IL1RAPL2: variants seen among roughly 807,000 people sequenced by gnomAD.
IL1RAPL2 encodes X-linked interleukin-1 receptor accessory protein-like 2.
A neutral mutation model predicts 44.1 loss-of-function variants in IL1RAPL2; 3 were observed. The observed-to-expected ratio is 0.07, with a 90% CI of 0.03 to 0.18. The LOEUF (loss-of-function observed/expected upper bound fraction) is 0.18. IL1RAPL2 is among the 10% of genes least tolerant of loss of function. IL1RAPL2 has a pLI of 1.00. For synonymous variants in IL1RAPL2, 181 were observed against 178.8 expected, an observed-to-expected ratio of 1.01 and a Z score of -0.10; for missense variants, 391 against 496.4, an observed-to-expected ratio of 0.79 and a Z score of 2.02.
At chrX:105,488,816 G>A (rs1026781740) in intron 6 of IL1RAPL2, among the ~76,000 whole-genome samples, 11 of 112,012 alleles carry the variant, frequency 9.8e-5, no homozygotes, top group African/African-American at 3.2e-4. Context: ...TTCATTAAAT[G>A]AAAAATTTCA....
chrX:105,569,117 C>T (rs895513932), intron 6 of IL1RAPL2, among the ~76,000 whole-genome samples: 1 of 111,731 alleles, frequency 9.0e-6, no homozygotes, highest in African/African-American at 3.2e-5. Context: ...TTACATCCTG[C>T]CAACAAAAGA....
chrX:105,212,557 G>T (rs976022283), intron 3 of IL1RAPL2, among the ~76,000 whole-genome samples: 2 of 111,955 alleles, frequency 1.8e-5, no homozygotes, highest in Non-Finnish European at 3.8e-5. Flanking sequence ...AATTGTTCCT[G>T]CCTGCCTGCT....
Position 105,261,478 on chromosome X carries a change from T to TTTTG in IL1RAPL2, c.544-5882_544-5879dup, listed in dbSNP as rs369041202. The stretch of plus-strand genomic sequence containing the variant: ...TGCTTGCTCTCTCTTCAGGCTGTTT[T>TTTTG]TTTGTTTGTTTGTTTGTTTGTTTGT... On this transcript the variant is annotated intron_variant, in intron 4 of 10. Coordinates refer to ENST00000372582, the MANE Select transcript of IL1RAPL2 (RefSeq NM_017416.2). Among the ~76,000 whole-genome samples the TTTTG allele has an allele frequency of 3.2e-3, 350 of 110,574 alleles. 2 individuals are homozygous for TTTTG. The highest frequency in any genetic ancestry group is 0.018 in the Middle Eastern group (4 of 217).
chrX:105,729,658 T>C (rs2038383839), intron 7 of IL1RAPL2, among the ~76,000 whole-genome samples: 1 of 110,580 alleles, frequency 9.0e-6, no homozygotes, highest in African/African-American at 3.3e-5. Flanking sequence ...TAGCTATTTA[T>C]TCTTTCAACT....
chrX:105,706,582 G>A (rs1456110109), intron 6 of IL1RAPL2, among the ~76,000 whole-genome samples: 1 of 111,251 alleles, frequency 9.0e-6, no homozygotes, highest in Admixed American at 9.5e-5. Context: ...AGGATGGCTG[G>A]CTCAGTTTTA....
intron 3 of IL1RAPL2, among the ~76,000 whole-genome samples, chrX:105,227,883 C>T (rs2034032842): frequency 8.9e-6 from 1 of 111,748 alleles, no homozygotes; most frequent in Admixed American, 9.5e-5. Context: ...AATTTACCAT[C>T]CTTACCATTT....
At chrX:104,887,052 G>A (rs1202086284) in intron 2 of IL1RAPL2, among the ~76,000 whole-genome samples, 1 of 112,464 alleles carries the variant, frequency 8.9e-6, no homozygotes, top group Non-Finnish European at 1.9e-5. Context: ...AGAGACCAGG[G>A]CCCTCAGCAA....
chrX:105,443,690 T>A (rs756777770), intron 5 of IL1RAPL2, among the ~76,000 whole-genome samples: 1 of 112,457 alleles, frequency 8.9e-6, no homozygotes, highest in East Asian at 2.8e-4. Flanking sequence ...TCTCAATCAT[T>A]TTATGGCTGA....
At chrX:104,730,728 GTA>G (rs1247057233) in intron 2 of IL1RAPL2, among the ~76,000 whole-genome samples, 10 of 108,019 alleles carry the variant, frequency 9.3e-5, no homozygotes, top group Admixed American at 6.0e-4. Context: ...AGTCCTTTGG[GTA>G]TATACCCAGT....
At chrX:104,927,744 G>T (rs971326881) in intron 2 of IL1RAPL2, among the ~76,000 whole-genome samples, 2 of 111,867 alleles carry the variant, frequency 1.8e-5, no homozygotes, top group African/African-American at 6.5e-5. Flanking sequence ...AGAAACATTT[G>T]TATTTTCCTT....
chrX:104,569,049 C>G (rs1361300753), intron 1 of IL1RAPL2, among the ~76,000 whole-genome samples: 1 of 112,250 alleles, frequency 8.9e-6, no homozygotes, highest in Non-Finnish European at 1.9e-5. Context: ...CTGGCTTGCC[C>G]ACTCTAACCT....
chrX:104,630,314 A>G (rs1051357728), intron 1 of IL1RAPL2, among the ~76,000 whole-genome samples: 1 of 110,426 alleles, frequency 9.1e-6, no homozygotes, highest in African/African-American at 3.3e-5. Flanking sequence ...TGCCCAGCTA[A>G]TTTTTTGTAT....
intron 2 of IL1RAPL2, among the ~76,000 whole-genome samples, chrX:105,023,073 G>A (rs926825754): frequency 4.5e-5 from 5 of 110,577 alleles, no homozygotes; most frequent in African/African-American, 9.8e-5. Context: ...TAATTTTGTC[G>A]GTCTGACACT....
intron 6 of IL1RAPL2, among the ~76,000 whole-genome samples, chrX:105,701,599 C>CACTT (rs1254170698): frequency 9.0e-6 from 1 of 110,790 alleles, no homozygotes; most frequent in Admixed American, 9.6e-5. Context: ...AGGAACTGGC[C>CACTT]ACTTACCTAC....
intron 7 of IL1RAPL2, among the ~76,000 whole-genome samples, chrX:105,721,308 C>T (rs769354402): frequency 1.8e-5 from 2 of 109,886 alleles, no homozygotes; most frequent in Admixed American, 9.7e-5. Flanking sequence ...CCCAGCTACT[C>T]GGGAGGCTAA....
intron 5 of IL1RAPL2, among the ~76,000 whole-genome samples, chrX:105,413,323 T>G (rs2035710505): frequency 9.0e-6 from 1 of 111,532 alleles, no homozygotes; most frequent in African/African-American, 3.3e-5. Flanking sequence ...GTAAGGCTAT[T>G]AATTAGCTGA....
intron 4 of IL1RAPL2, among the ~76,000 whole-genome samples, chrX:105,263,960 T>C (rs1292054176): frequency 9.0e-6 from 1 of 111,716 alleles, no homozygotes; most frequent in Non-Finnish European, 1.9e-5. Context: ...GACAACCATC[T>C]TGAGACTTGA....
chrX:105,612,100 G>A (rs959127691), intron 6 of IL1RAPL2, among the ~76,000 whole-genome samples: 3 of 110,500 alleles, frequency 2.7e-5, no homozygotes, highest in African/African-American at 9.9e-5. Flanking sequence ...TTGTTTGTTT[G>A]TTTGTTTGTT....
At chrX:105,743,599 T>C (rs915720445) in intron 8 of IL1RAPL2, among the ~76,000 whole-genome samples, 8 of 112,119 alleles carry the variant, frequency 7.1e-5, no homozygotes, top group African/African-American at 2.6e-4. Flanking sequence ...TACTTATTTT[T>C]GCTTTGTCTA....
Sources: allele counts gnomAD v4.1 joint callset (sites outside exome capture counted in the v4.1 genomes callset), GRCh38; gene constraint gnomAD v4.1.1; transcripts MANE v1.5; gene names NCBI Gene and HGNC (gene_info 2026-07-23, HGNC 2026-07-21).